WWOX: variants seen among roughly 807,000 people sequenced by gnomAD.
The protein encoded by WWOX is WW domain containing oxidoreductase.
Under a neutral mutation model 46.2 loss-of-function variants are expected in WWOX, and 69 were observed. That is an observed-to-expected ratio of 1.49 (90% confidence interval 1.23 to 1.82). The LOEUF is 1.82. WWOX is among the 40% of genes most tolerant of loss of function. The pLI is 0.00. For synonymous variants in WWOX, 359 were observed against 202.6 expected (o/e 1.77, Z -6.56); for missense variants, 919 against 542.6 (o/e 1.69, Z -6.89).
intron 8 of WWOX, among the ~76,000 whole-genome samples, chr16:78,707,991 C>G (rs1481787609): frequency 6.6e-6 from 1 of 152,140 alleles, no homozygotes; most frequent in Non-Finnish European, 1.5e-5. Flanking sequence ...GATCTTTGGT[C>G]TTCTGACCTG....
intron 8 of WWOX, among the ~76,000 whole-genome samples, chr16:79,143,540 T>C (rs2050129697): frequency 6.6e-6 from 1 of 152,216 alleles, no homozygotes; most frequent in Admixed American, 6.5e-5. Context: ...AGTTTTATTC[T>C]TGATACATAC....
At chr16:78,474,248 C>G (rs956495376) in intron 8 of WWOX, among the ~76,000 whole-genome samples, 1 of 152,166 alleles carries the variant, frequency 6.6e-6, no homozygotes, top group African/African-American at 2.4e-5. Flanking sequence ...ACATTTTGAT[C>G]ATACTAACCT....
chr16:78,642,879 CTGCCAAATTATGGCACTCATCCTACT>C (rs1422799545), intron 8 of WWOX, among the ~76,000 whole-genome samples: 2 of 152,200 alleles, frequency 1.3e-5, no homozygotes, highest in African/African-American at 2.4e-5. Context: ...TGGAATCCTA[CTGCCAAATTATGGCACTCATCCTACT>C]TGGTGTAAAA....
rs529969861 is a variant in WWOX at position 78,738,893 on chromosome 16, C to G, written c.1056+306141C>G. Among the ~76,000 whole-genome samples the G allele has an allele frequency of 2.6e-5, 4 of 152,180 alleles. No homozygotes were observed. The East Asian group carries it at 7.7e-4, about 29-fold the overall frequency. On this transcript the variant is annotated intron_variant, in intron 8 of 8. Coordinates refer to ENST00000566780, the MANE Select transcript of WWOX (RefSeq NM_016373.4). The stretch of plus-strand genomic sequence containing the variant: ...CATTCCATTCTTCATATTTTTGTAC[C>G]CATTAGAGTAGTGCTGATCATTTGC...
chr16:78,852,369 G>C (rs890748881), intron 8 of WWOX, among the ~76,000 whole-genome samples: 1 of 152,150 alleles, frequency 6.6e-6, no homozygotes, highest in African/African-American at 2.4e-5. Context: ...TGCTTCTCTT[G>C]GATCACTCCT....
Position 79,152,283 on chromosome 16 carries a change from C to T in WWOX, c.1057-59325C>T, listed in dbSNP as rs145862404. ...AAGGGTACAGGCTGGCTGGACCATGCGATGGGGAATGCAGGTGGAACAGGC... is the reference window on the plus strand; with the variant it reads ...AAGGGTACAGGCTGGCTGGACCATGTGATGGGGAATGCAGGTGGAACAGGC... On this transcript the variant is annotated intron_variant, in intron 8 of 8. Transcript: ENST00000566780. Among the ~76,000 whole-genome samples the T allele has an allele frequency of 3.3e-5, 5 of 152,156 alleles. No homozygotes were observed. The South Asian group carries it at 8.3e-4, about 25-fold the overall frequency.
chr16:78,270,915 A>C (rs1187772752), intron 5 of WWOX, among the ~76,000 whole-genome samples: 1 of 152,194 alleles, frequency 6.6e-6, no homozygotes, highest in Non-Finnish European at 1.5e-5. Flanking sequence ...CCCTTCACAG[A>C]GAAAATGTGT....
At chr16:78,901,605 A>C (rs901093706) in intron 8 of WWOX, among the ~76,000 whole-genome samples, 1 of 152,182 alleles carries the variant, frequency 6.6e-6, no homozygotes. Context: ...CTCCCACCTC[A>C]GCCTCCTGAG....
intron 8 of WWOX, among the ~76,000 whole-genome samples, chr16:78,982,091 G>C (rs539178698): frequency 1.3e-5 from 2 of 152,236 alleles, no homozygotes; most frequent in South Asian, 4.2e-4. Context: ...AGCCTCACTG[G>C]GGATGGGCTA....
intron 5 of WWOX, among the ~76,000 whole-genome samples, chr16:78,229,770 G>A (rs965363657): frequency 1.1e-4 from 17 of 152,058 alleles, no homozygotes; most frequent in African/African-American, 4.1e-4. Context: ...AGAGTGCCTT[G>A]ATGAGTACCT....
intron 8 of WWOX, among the ~76,000 whole-genome samples, chr16:78,869,410 T>C (rs549011846): frequency 6.6e-6 from 1 of 152,352 alleles, no homozygotes; most frequent in Admixed American, 6.5e-5. Flanking sequence ...TCTATTCTTA[T>C]TTGGCAATTG....
chr16:78,256,994 C>T (rs2038149435), intron 5 of WWOX, among the ~76,000 whole-genome samples: 1 of 152,076 alleles, frequency 6.6e-6, no homozygotes, highest in African/African-American at 2.4e-5. Flanking sequence ...CCAAGGCAGT[C>T]TACTCTTAAT....
chr16:78,839,031 G>C (rs373881613), intron 8 of WWOX, among the ~76,000 whole-genome samples: 1 of 152,102 alleles, frequency 6.6e-6, no homozygotes, highest in East Asian at 1.9e-4. Flanking sequence ...TCGTACTAGA[G>C]TTTTGTGAGA....
At chr16:79,136,175 G>A (rs141562211) in intron 8 of WWOX, among the ~76,000 whole-genome samples, 193 of 151,712 alleles carry the variant, frequency 1.3e-3, no homozygotes, top group African/African-American at 3.5e-3. Flanking sequence ...ACCTGAAAGC[G>A]TCCAGGTGAG....
At chr16:79,057,721 C>A (rs2048288896) in intron 8 of WWOX, among the ~76,000 whole-genome samples, 1 of 152,062 alleles carries the variant, frequency 6.6e-6, no homozygotes, top group African/African-American at 2.4e-5. Flanking sequence ...TCTGAGGGAG[C>A]TCAGAATAGG....
chr16:78,117,022 T>C (rs143618746), intron 4 of WWOX, among the ~76,000 whole-genome samples: 1 of 152,336 alleles, frequency 6.6e-6, no homozygotes, highest in African/African-American at 2.4e-5. Flanking sequence ...AAAAGGGTGA[T>C]ATCTAGTTAG....
intron 8 of WWOX, among the ~76,000 whole-genome samples, chr16:78,455,302 TA>T (rs35065191): frequency 0.18 from 28,108 of 151,944 alleles, 3,991 homozygotes; most frequent in African/African-American, 0.38. Flanking sequence ...ATGGGGGTGC[TA>T]AAAACCTCAG....
At chr16:78,613,616 C>T (rs758551858) in intron 8 of WWOX, among the ~76,000 whole-genome samples, 2 of 152,170 alleles carry the variant, frequency 1.3e-5, no homozygotes, top group Admixed American at 6.5e-5. Context: ...ATTCAAGATG[C>T]AATCACCACT....
chr16:78,603,208 CCAATAT>C (rs1323826888), intron 8 of WWOX, among the ~76,000 whole-genome samples: 1 of 152,156 alleles, frequency 6.6e-6, no homozygotes, highest in East Asian at 1.9e-4. Flanking sequence ...TGGAGAAGTG[CCAATAT>C]CATTTTCATG....
Sources: allele counts gnomAD v4.1 joint callset (sites outside exome capture counted in the v4.1 genomes callset), GRCh38; gene constraint gnomAD v4.1.1; transcripts MANE v1.5; gene names NCBI Gene and HGNC (gene_info 2026-07-23, HGNC 2026-07-21).